The following ADAMTS20 variants were observed in gnomAD, a reference collection of about 807,000 sequenced individuals.
ADAMTS20 encodes the protein ADAM metallopeptidase with thrombospondin type 1 motif 20.
In ADAMTS20, 225 loss-of-function variants were observed where a neutral mutation model predicts 260.1. The observed-to-expected ratio is 0.87, with a 90% CI of 0.78 to 0.97. ADAMTS20 has a LOEUF of 0.97. ADAMTS20 is among the 50% of genes least tolerant of loss of function. The pLI is 0.00. For synonymous variants in ADAMTS20, 802 were observed against 769.5 expected, an observed-to-expected ratio of 1.04 and a Z score of -0.70; for missense variants, 2,400 against 2,337.7, an observed-to-expected ratio of 1.03 and a Z score of -0.55.
chr12:43,407,063 T>C (rs1275438504), intron 28 of ADAMTS20, among the ~76,000 whole-genome samples: 1 of 151,986 alleles, frequency 6.6e-6, no homozygotes, highest in Non-Finnish European at 1.5e-5. Context: ...AGTTTGAAAA[T>C]GTCCTTTTTA....
chr12:43,412,243 C>T (rs1176106201), intron 28 of ADAMTS20, among the ~76,000 whole-genome samples: 2 of 152,158 alleles, frequency 1.3e-5, no homozygotes, highest in Non-Finnish European at 2.9e-5. Context: ...AATTGTCTAA[C>T]ATTTTTGCTC....
In ADAMTS20 at chr12:43,551,047, G is replaced by T. The variant is rs773610159; in HGVS notation, c.315C>A (p.Thr105=). The change falls in exon 2 of 39, where the codon ACC becomes ACA. Residue 105 remains threonine (T), a synonymous_variant. Coordinates refer to ENST00000389420, the MANE Select transcript of ADAMTS20 (RefSeq NM_025003.5). The surrounding 1 kb of genome is among the most constrained non-coding windows in gnomAD (Gnocchi z 4.6). ...ADASFLAAGY[T]EVHLGTPERG... ...GCTCCGGGGTTCCCAAGTGCACCTC[G>T]GTGTAGCCGGCGGCCAGAAAGGATG... 6.2e-7 allele frequency: 1 copy of T among 1,613,528 alleles called. No individual in the cohort carries two copies.
downstream of ADAMTS20, among the ~76,000 whole-genome samples, chr12:43,353,700 C>T (rs7957150): frequency 0.23 from 34,303 of 151,938 alleles, 4,631 homozygotes; most frequent in African/African-American, 0.37. Context: ...GTACAAAGTA[C>T]AATGGCTCTG....
Position 43,452,428 on chromosome 12 carries a change from G to A in ADAMTS20, c.1943-18C>T, listed in dbSNP as rs765248852. The A allele has an allele frequency of 3.7e-6, 6 of 1,605,306 alleles. No homozygotes were observed. The highest frequency in any genetic ancestry group is 4.2e-6 in the Non-Finnish European group (5 of 1,177,520). On this transcript the variant is annotated intron_variant, in intron 13 of 38. Transcript: ENST00000389420. The stretch of plus-strand genomic sequence containing the variant: ...TGTGCCAACTGTAAAAAAGAAAAAG[G>A]TCAAATTTTTAATGTATAATAATAA...
chr12:43,356,618 G>C, intron 37 of ADAMTS20, 30 bp from the exon 38 acceptor site: 4 of 1,483,446 alleles, frequency 2.7e-6, no homozygotes, highest in Non-Finnish European at 3.7e-6. Flanking sequence ...AAGAAAAATA[G>C]ATGGAATTTA....
chr12:43,432,458 C>T lies in ADAMTS20; in HGVS notation c.2942G>A (p.Ser981Asn). 6.2e-7 allele frequency: 1 copy of T among 1,608,794 alleles called. No homozygotes were observed. The highest frequency in any genetic ancestry group is 8.5e-7 in the Non-Finnish European group (1 of 1,178,908). The change falls in exon 21 of 39, where the codon AGT becomes AAT. Residue 981 changes from serine to asparagine, a missense_variant. Coordinates refer to ENST00000389420, the MANE Select transcript of ADAMTS20 (RefSeq NM_025003.5). ...TCGAGACCTTTCCCCTCCTCCACAA[C>T]TCCTGGAACACTGATTAAAAAAAAA... Reference protein sequence around the residue: ...HYSEWSQCSRSCGGGERSRES... With the variant: ...HYSEWSQCSRNCGGGERSRES...
chr12:43,439,869 G>C, intron 17 of ADAMTS20, 28 bp downstream of exon 17: 1 of 1,588,206 alleles, frequency 6.3e-7, no homozygotes, highest in Middle Eastern at 1.7e-4. Context: ...TTAAATCCAA[G>C]TGTTATTACT....
intron 3 of ADAMTS20, among the ~76,000 whole-genome samples, chr12:43,510,253 A>G (rs907040838): frequency 1.3e-5 from 2 of 152,032 alleles, no homozygotes; most frequent in Admixed American, 1.3e-4. Context: ...CCTAAAAGGT[A>G]TACACCCCAA....
At chr12:43,452,180 G>T in intron 14 of ADAMTS20, 94 bp downstream of exon 14, 1 of 1,318,954 alleles carries the variant, frequency 7.6e-7, no homozygotes, top group Admixed American at 2.6e-5. Context: ...AACATATGCT[G>T]AAATAGTAAA....
chr12:43,493,512 A>G (rs1405368905), intron 4 of ADAMTS20, among the ~76,000 whole-genome samples: 1 of 152,184 alleles, frequency 6.6e-6, no homozygotes, highest in Admixed American at 6.5e-5. Flanking sequence ...AGACTGATCC[A>G]TGGATCAGCA....
intron 37 of ADAMTS20, among the ~76,000 whole-genome samples, chr12:43,359,238 T>C (rs1474651203): frequency 2.6e-5 from 4 of 152,164 alleles, no homozygotes; most frequent in East Asian, 1.9e-4. Context: ...ATTCAATAAA[T>C]TGGAATGTTT....
At chr12:43,398,979 A>G in intron 29 of ADAMTS20, 87 bp downstream of exon 29, 7 of 956,144 alleles carry the variant, frequency 7.3e-6, no homozygotes, top group Non-Finnish European at 9.6e-6. Flanking sequence ...AGAGAAGCAA[A>G]ACATTCAAGG....
intron 27 of ADAMTS20, 149 bp from the exon 28 acceptor site, chr12:43,425,839 G>T (rs965570129): frequency 4.0e-6 from 2 of 502,570 alleles, no homozygotes; most frequent in South Asian, 1.3e-4. Context: ...TCTAGTAATG[G>T]TAGCGTTTAA....
chr12:43,451,902 CA>C (rs1941870310), intron 14 of ADAMTS20, among the ~76,000 whole-genome samples: 1 of 152,114 alleles, frequency 6.6e-6, no homozygotes, highest in South Asian at 2.1e-4. Flanking sequence ...TCAATGGTTT[CA>C]ACGGACAAGG....
intron 3 of ADAMTS20, among the ~76,000 whole-genome samples, chr12:43,513,152 C>T (rs1278301991): frequency 6.6e-6 from 1 of 152,108 alleles, no homozygotes; most frequent in Non-Finnish European, 1.5e-5. Flanking sequence ...AAAGAAGGCA[C>T]TAGAAACCCC....
At chr12:43,455,709 ATCTT>A (rs1451005952) in intron 11 of ADAMTS20, among the ~76,000 whole-genome samples, 1 of 138,880 alleles carries the variant, frequency 7.2e-6, no homozygotes, top group Non-Finnish European at 1.6e-5. Context: ...GGTTGCTTTC[ATCTT>A]TTTTTTTTTT....
rs1473544828 is a variant in ADAMTS20 at position 43,383,930 on chromosome 12, G to T, written c.4500C>A (p.Cys1500Ter). Residue 1500 changes from cysteine to a stop codon, truncating the protein, a stop_gained, in exon 30 of 39, where the codon TGC (cysteine) becomes TGA (stop). Coordinates refer to ENST00000389420, the MANE Select transcript of ADAMTS20 (RefSeq NM_025003.5). LOFTEE classifies it high-confidence loss of function. ...CCACCTGACCAACACCTTTCAGTCT[G>T]CAGTATACATCCCTCTGCTGAACTC... is the stretch of plus-strand genomic sequence containing the variant. ...GSGVQQRDVY[C>*]RLKGVGQVVE... 1 of 1,613,866 alleles carries T rather than the reference G, an allele frequency of 6.2e-7. No individual in the cohort carries two copies. The highest frequency in any genetic ancestry group is 8.5e-7 in the Non-Finnish European group (1 of 1,179,866).
At chr12:43,549,257 ATAT>A (rs1282606070) in intron 2 of ADAMTS20, among the ~76,000 whole-genome samples, 3 of 151,802 alleles carry the variant, frequency 2.0e-5, no homozygotes, top group Admixed American at 6.6e-5. Flanking sequence ...AAAAATATTA[ATAT>A]TAATTTTTAG....
Position 43,468,704 on chromosome 12 carries a change from AC to A in ADAMTS20, c.1118del (p.Gly373ValfsTer5). ...CACATATGGTACCTAAATATGATAA[AC>A]CTGAAAAATTTCACATTTGTATTTC... is the stretch of plus-strand genomic sequence containing the variant. ...CSSKEKCNML[G>X]LSYLGTICDP... On this transcript the variant is annotated frameshift_variant and splice_region_variant, in exon 8 of 39. Coordinates refer to ENST00000389420, the MANE Select transcript of ADAMTS20 (RefSeq NM_025003.5). LOFTEE classifies it high-confidence loss of function. The A allele has an allele frequency of 6.5e-7, 1 of 1,540,826 alleles. No homozygotes were observed. The highest frequency in any genetic ancestry group is 2.3e-5 in the East Asian group (1 of 44,230).
Sources: allele counts gnomAD v4.1 joint callset (sites outside exome capture counted in the v4.1 genomes callset), GRCh38; gene constraint gnomAD v4.1.1; non-coding constraint Gnocchi (gnomAD v3.1); transcripts MANE v1.5; gene names NCBI Gene and HGNC (gene_info 2026-07-23, HGNC 2026-07-21).